RSU1: variants seen among roughly 807,000 people sequenced by gnomAD.
RSU1 encodes rsu-1.
Under a neutral mutation model 31.1 loss-of-function variants are expected in RSU1, and 26 were observed. The ratio of observed to expected loss-of-function variants is 0.84; its 90% confidence interval spans 0.61 to 1.16. RSU1 has a LOEUF of 1.16. Ranked by LOEUF, RSU1 falls within the 50% of genes most tolerant of loss-of-function variation. RSU1 has a pLI of 0.00. For synonymous variants in RSU1, 164 were observed against 136.3 expected, an observed-to-expected ratio of 1.20 and a Z score of -1.41; for missense variants, 320 against 339.1, an observed-to-expected ratio of 0.94 and a Z score of 0.44.
intron 8 of RSU1, among the ~76,000 whole-genome samples, chr10:16,682,840 G>T (rs4747281): frequency 2.6e-5 from 4 of 151,550 alleles, no homozygotes; most frequent in African/African-American, 9.7e-5. Context: ...TACTGGAGGG[G>T]GTCCCATCAC....
At chr10:16,735,798 A>C (rs142773956) in intron 7 of RSU1, among the ~76,000 whole-genome samples, 5 of 152,290 alleles carry the variant, frequency 3.3e-5, no homozygotes, top group Non-Finnish European at 5.9e-5. Context: ...GCATGGACTA[A>C]CAGCACCTAT....
intron 7 of RSU1, among the ~76,000 whole-genome samples, chr10:16,703,356 C>G (rs964680753): frequency 6.6e-6 from 1 of 152,178 alleles, no homozygotes; most frequent in Non-Finnish European, 1.5e-5. Context: ...AAACTGGCAC[C>G]TCTTCTCTGA....
At chr10:16,808,875 A>G (rs780313761) in intron 2 of RSU1, among the ~76,000 whole-genome samples, 4 of 152,154 alleles carry the variant, frequency 2.6e-5, no homozygotes, top group Non-Finnish European at 5.9e-5. Context: ...AGGAAACTGA[A>G]CAGACTGAGG....
At chr10:16,788,142 T>A (rs966140753) in intron 2 of RSU1, among the ~76,000 whole-genome samples, 3 of 152,204 alleles carry the variant, frequency 2.0e-5, no homozygotes, top group Non-Finnish European at 2.9e-5. Flanking sequence ...TTAAATAGAT[T>A]CATAGATGTA....
chr10:16,793,167 C>T (rs1483518642), intron 2 of RSU1, among the ~76,000 whole-genome samples: 2 of 152,028 alleles, frequency 1.3e-5, no homozygotes, highest in Admixed American at 6.6e-5. Context: ...TAAAATATCA[C>T]GGTGGGATGA....
At chr10:16,681,050 C>T (rs545383758) in intron 8 of RSU1, among the ~76,000 whole-genome samples, 1 of 152,130 alleles carries the variant, frequency 6.6e-6, no homozygotes, top group Non-Finnish European at 1.5e-5. Flanking sequence ...TATAGTTACA[C>T]CAAACACAAC....
intron 7 of RSU1, among the ~76,000 whole-genome samples, chr10:16,717,582 A>T (rs1279574293): frequency 6.6e-6 from 1 of 152,152 alleles, no homozygotes; most frequent in Non-Finnish European, 1.5e-5. Flanking sequence ...AGATAAATGT[A>T]CATAACCTTC....
intron 8 of RSU1, among the ~76,000 whole-genome samples, 163 bp from the exon 9 acceptor site, chr10:16,593,659 T>C (rs887855463): frequency 1.3e-5 from 2 of 152,232 alleles, no homozygotes; most frequent in African/African-American, 4.8e-5. Flanking sequence ...CTGTGTTGAA[T>C]ATAAAATTCT....
intron 3 of RSU1, among the ~76,000 whole-genome samples, chr10:16,773,778 G>A: frequency 6.6e-6 from 1 of 152,214 alleles, no homozygotes; most frequent in East Asian, 1.9e-4. Flanking sequence ...CACAGTGCTG[G>A]TTCAGTTGGA....
chr10:16,778,467 G>T (rs920977655), intron 3 of RSU1, among the ~76,000 whole-genome samples: 5 of 152,090 alleles, frequency 3.3e-5, no homozygotes, highest in East Asian at 1.9e-4. Context: ...AGCCACTAAG[G>T]GCCCAGTCAC....
At chr10:16,670,126 C>G (rs1244035158) in intron 8 of RSU1, among the ~76,000 whole-genome samples, 1 of 152,178 alleles carries the variant, frequency 6.6e-6, no homozygotes, top group Admixed American at 6.5e-5. Flanking sequence ...GTTTTCTAAG[C>G]TGACCAGGTG....
rs1227671826 is a variant in RSU1, at chr10:16,753,014, A to G, written c.401-14T>C. 1 of 1,608,170 alleles carries G rather than the reference A, an allele frequency of 6.2e-7. No homozygotes were observed. Among genetic ancestry groups the G allele is most frequent in the Non-Finnish European group, 8.5e-7 (1 of 1,174,662 alleles). ...CACGCAGGGTGGCTGCAAATTAAAC[A>G]GCAATATATAAACAGGGTGGCATGG... On this transcript the variant is annotated splice_polypyrimidine_tract_variant and intron_variant, in intron 5 of 8. Transcript: ENST00000345264.
intron 7 of RSU1, among the ~76,000 whole-genome samples, chr10:16,725,362 G>A (rs1254762085): frequency 6.6e-6 from 1 of 152,102 alleles, no homozygotes; most frequent in Non-Finnish European, 1.5e-5. Context: ...AAAAGAAAAG[G>A]TGACTCGAGA....
chr10:16,709,911 G>A (rs538328498), intron 7 of RSU1, among the ~76,000 whole-genome samples: 3 of 152,242 alleles, frequency 2.0e-5, no homozygotes, highest in African/African-American at 7.2e-5. Flanking sequence ...CAGATGAGAA[G>A]GTTGCCAAAA....
At position 16,806,275 on chromosome 10, in the gene RSU1, G is replaced by A. The variant is rs118173386; in HGVS notation, c.109+10698C>T. On this transcript the variant is annotated intron_variant, in intron 2 of 8. Coordinates refer to ENST00000345264, the MANE Select transcript of RSU1 (RefSeq NM_012425.4). Reference sequence around the variant, plus strand: ...ATGGCTTCTAGAACATGACCGGGTGGCCACAGGCACTCAGCATGCTCGCTG... The same window carrying A: ...ATGGCTTCTAGAACATGACCGGGTGACCACAGGCACTCAGCATGCTCGCTG... 8.6e-4 allele frequency among the ~76,000 whole-genome samples: 131 copies of A among 152,282 alleles called. 4 individuals are homozygous for A. The East Asian group carries it at 0.025, about 29-fold the overall frequency.
Position 16,638,246 on chromosome 10 carries a change from A to G in RSU1, c.732-44750T>C, listed in dbSNP as rs1012344091. Among the ~76,000 whole-genome samples the G allele has an allele frequency of 2.4e-4, 37 of 152,198 alleles. 1 individual carries two copies. Among genetic ancestry groups the G allele is most frequent in the African/African-American group, 8.9e-4 (37 of 41,452 alleles). On this transcript the variant is annotated intron_variant, in intron 8 of 8. Coordinates refer to ENST00000345264, the MANE Select transcript of RSU1 (RefSeq NM_012425.4). ...CTGGACACTCATGATGTACAACTGC[A>G]TATCAGAAAACAGTCTCGCCAAGGT...
rs536762031 is a variant in RSU1, at chr10:16,602,315, C to G, written c.732-8819G>C. 1.8e-3 allele frequency among the ~76,000 whole-genome samples: 277 copies of G among 152,336 alleles called. 1 individual carries two copies. The highest frequency in any genetic ancestry group is 6.5e-3 in the African/African-American group (269 of 41,576). Reference sequence around the variant, plus strand: ...GTGCCGTGATCACAGCACAACATTTCCAATGCAGCTAACGTGCATTCATTA... The same window carrying G: ...GTGCCGTGATCACAGCACAACATTTGCAATGCAGCTAACGTGCATTCATTA... On this transcript the variant is annotated intron_variant, in intron 8 of 8. Transcript: ENST00000345264.
chr10:16,764,413 C>G lies in RSU1; in HGVS notation c.258G>C (p.Gln86His). 2 of 1,613,482 alleles carry G rather than the reference C, an allele frequency of 1.2e-6. No homozygotes were observed. Among genetic ancestry groups the G allele is most frequent in the Non-Finnish European group, 1.7e-6 (2 of 1,179,690 alleles). ...EELPTQISSL[Q>H]KLKHLNLGMN... is the part of the protein sequence containing the mutation. ...ACCCAAGGTTCAGGTGTTTGAGTTT[C>G]TGAAGGCTACTGATCTGTGTGGGCA... Residue 86 changes from glutamine (Q) to histidine (H), a missense_variant, in exon 4 of 9, where the codon CAG becomes CAC. By Grantham distance (24) the Gln-to-His change is conservative. Coordinates refer to ENST00000345264, the MANE Select transcript of RSU1 (RefSeq NM_012425.4).
intron 8 of RSU1, among the ~76,000 whole-genome samples, chr10:16,661,837 T>A (rs1375019182): frequency 6.6e-6 from 1 of 152,230 alleles, no homozygotes; most frequent in African/African-American, 2.4e-5. Context: ...TGGTCTCCTT[T>A]AGCACATTTC....
Sources: allele counts gnomAD v4.1 joint callset (sites outside exome capture counted in the v4.1 genomes callset), GRCh38; gene constraint gnomAD v4.1.1; transcripts MANE v1.5; gene names NCBI Gene and HGNC (gene_info 2026-07-23, HGNC 2026-07-21).